Variants in DOCK7 observed in about 807,000 individuals in gnomAD.
DOCK7 encodes dedicator of cytokinesis 7.
In DOCK7, 138 loss-of-function variants were observed where a neutral mutation model predicts 271.0. That is an observed-to-expected ratio of 0.51 (90% CI 0.44 to 0.59). DOCK7 has a LOEUF of 0.59. DOCK7 is among the 20% of genes least tolerant of loss of function. The probability of loss-of-function intolerance (pLI) is 0.00; values close to 1 mark genes in which losing one functional copy is unlikely to be tolerated. For missense variants in DOCK7, 2,066 were observed against 2,592.4 expected, an observed-to-expected ratio of 0.80 and a Z score of 4.41; for synonymous variants, 823 against 876.1, an observed-to-expected ratio of 0.94 and a Z score of 1.07.
chr1:62,637,278 T>C (rs1302739342), intron 7 of DOCK7, among the ~76,000 whole-genome samples: 5 of 152,232 alleles, frequency 3.3e-5, no homozygotes, highest in Non-Finnish European at 5.9e-5. Flanking sequence ...GTATACTTAA[T>C]TGAGATGTCT....
intron 14 of DOCK7, among the ~76,000 whole-genome samples, chr1:62,611,664 C>T (rs1651802534): frequency 6.6e-6 from 1 of 152,112 alleles, no homozygotes; most frequent in Non-Finnish European, 1.5e-5. Context: ...ACATGGCTCT[C>T]ATGTCATAAC....
rs1333964144 is a variant in DOCK7 at position 62,636,623 on chromosome 1, A to G, written c.819-20T>C. ...TCAAACCTTTATGAAGAAAAAGGAT[A>G]AAATAATTTAAAGATAAACATGAAA... is the stretch of plus-strand genomic sequence containing the variant. On this transcript the variant is annotated intron_variant, in intron 7 of 49. Transcript: ENST00000635253. 6.5e-7 allele frequency: 1 copy of G among 1,545,542 alleles called. No individual in the cohort carries two copies. The highest frequency in any genetic ancestry group is 8.8e-7 in the Non-Finnish European group (1 of 1,130,702).
intron 14 of DOCK7, among the ~76,000 whole-genome samples, chr1:62,615,206 C>T (rs962765233): frequency 3.3e-5 from 5 of 151,756 alleles, no homozygotes; most frequent in African/African-American, 9.7e-5. Flanking sequence ...AACTATTTGG[C>T]AAAACAGTAA....
intron 1 of DOCK7, among the ~76,000 whole-genome samples, chr1:62,678,120 T>C (rs1244047998): frequency 1.3e-5 from 2 of 151,608 alleles, no homozygotes; most frequent in Non-Finnish European, 2.9e-5. Context: ...AGAGCAAGAG[T>C]CCACCTCAAA....
intron 2 of DOCK7, among the ~76,000 whole-genome samples, chr1:62,661,189 T>C (rs1416251489): frequency 6.6e-6 from 1 of 151,448 alleles, no homozygotes; most frequent in East Asian, 1.9e-4. Context: ...GGACAAATAC[T>C]GTATGATTCC....
chr1:62,538,204 T>G, intron 27 of DOCK7, 143 bp from the exon 28 acceptor site: 3 of 738,892 alleles, frequency 4.1e-6, no homozygotes, highest in Non-Finnish European at 6.2e-6. Flanking sequence ...GTATCACCTT[T>G]TTCCAGAGTT....
At chr1:62,674,985 A>G (rs1660388785) in intron 1 of DOCK7, among the ~76,000 whole-genome samples, 2 of 152,216 alleles carry the variant, frequency 1.3e-5, no homozygotes, top group Admixed American at 1.3e-4. Flanking sequence ...TTGTGCTTCA[A>G]ACATCACCTA....
intron 16 of DOCK7, among the ~76,000 whole-genome samples, chr1:62,579,258 G>T (rs1647037490): frequency 6.6e-6 from 1 of 152,032 alleles, no homozygotes; most frequent in African/African-American, 2.4e-5. Context: ...CATTAGATTG[G>T]AAGCTGCATA....
chr1:62,604,129 G>C lies in DOCK7; in HGVS notation c.1682+14577C>G, dbSNP rs148698903. On this transcript the variant is annotated intron_variant, in intron 14 of 49. Coordinates refer to ENST00000635253, the MANE Select transcript of DOCK7 (RefSeq NM_001367561.1). ...CCAACTATACGCTACATCTAGTTGC[G>C]ATTACTGGCAATGTCCCCAATGCAA... The C allele has an allele frequency of 2.5e-6, 4 of 1,613,150 alleles. No individual in the cohort carries two copies. The African/African-American group carries it at 5.3e-5, about 22-fold the overall frequency.
intron 12 of DOCK7, among the ~76,000 whole-genome samples, chr1:62,622,649 G>A (rs1056841825): frequency 3.3e-5 from 5 of 152,042 alleles, no homozygotes; most frequent in Admixed American, 1.3e-4. Context: ...AAACAAGGTC[G>A]GCCAGGCACG....
At chr1:62,570,623 C>T (rs1273564126) in intron 18 of DOCK7, among the ~76,000 whole-genome samples, 1 of 151,960 alleles carries the variant, frequency 6.6e-6, no homozygotes, top group Non-Finnish European at 1.5e-5. Context: ...AAAGAACAAA[C>T]CTGGAGGCAT....
chr1:62,650,653 T>C (rs1443132195), intron 4 of DOCK7, among the ~76,000 whole-genome samples: 1 of 152,162 alleles, frequency 6.6e-6, no homozygotes, highest in Non-Finnish European at 1.5e-5. Context: ...CAGACACTTC[T>C]CAAAAGAAGA....
chr1:62,553,001 G>T, intron 21 of DOCK7, 100 bp from the exon 22 acceptor site: 9 of 756,122 alleles, frequency 1.2e-5, no homozygotes, highest in South Asian at 9.7e-5. Context: ...CAAAGATCAT[G>T]AATTGCTTTG....
intron 1 of DOCK7, among the ~76,000 whole-genome samples, chr1:62,669,287 C>A (rs185442739): frequency 2.7e-4 from 41 of 152,356 alleles, no homozygotes; most frequent in African/African-American, 9.9e-4. Flanking sequence ...TGTTTGTAAG[C>A]ACTCTCTTTG....
At chr1:62,510,516 T>C in intron 34 of DOCK7, 61 bp downstream of exon 34, 2 of 1,250,874 alleles carry the variant, frequency 1.6e-6, no homozygotes, top group African/African-American at 1.5e-5. Flanking sequence ...GTTATCATTT[T>C]CCTCTTACAT....
chr1:62,468,360 CAAAAA>C (rs201784083), intron 48 of DOCK7, among the ~76,000 whole-genome samples: 1 of 93,078 alleles, frequency 1.1e-5, no homozygotes, highest in Non-Finnish European at 2.3e-5. Context: ...GACTCTGTCT[CAAAAA>C]AAAAAAAAAA....
intron 14 of DOCK7, among the ~76,000 whole-genome samples, chr1:62,617,780 A>G (rs75159445): frequency 0.024 from 3,597 of 152,030 alleles, 148 homozygotes; most frequent in African/African-American, 0.082. Context: ...TGTGGTTCCC[A>G]TTATATTTCT....
rs545127591 is a variant in DOCK7 at position 62,610,514 on chromosome 1, C to T, written c.1682+8192G>A. ...TAAGTTCTGGGATACATGCGCAGAA[C>T]GTGCAGTTTTGTTACATAGGTATAC... On this transcript the variant is annotated intron_variant, in intron 14 of 49. Coordinates refer to ENST00000635253, the MANE Select transcript of DOCK7 (RefSeq NM_001367561.1). Among the ~76,000 whole-genome samples the T allele has an allele frequency of 3.5e-4, 53 of 152,100 alleles. No individual in the cohort carries two copies. The South Asian group carries it at 3.8e-3, about 11-fold the overall frequency.
intron 1 of DOCK7, among the ~76,000 whole-genome samples, chr1:62,667,826 T>C (rs956183540): frequency 7.9e-5 from 12 of 152,148 alleles, no homozygotes; most frequent in African/African-American, 2.7e-4. Flanking sequence ...GCGACCAGTC[T>C]GGCCAACATG....
Sources: gnomAD v4.1 joint callset for allele counts (sites outside exome capture counted in the v4.1 genomes callset) on GRCh38, gnomAD v4.1.1 for gene constraint, MANE v1.5 for transcripts, NCBI Gene and HGNC (gene_info 2026-07-23, HGNC 2026-07-21) for gene names.